MTUS2: variants seen among roughly 807,000 people sequenced by gnomAD.
MTUS2 encodes the protein microtubule-associated tumor suppressor candidate 2.
Under a neutral mutation model 114.1 loss-of-function variants are expected in MTUS2, and 40 were observed. The ratio of observed to expected loss-of-function variants is 0.35; its 90% CI spans 0.27 to 0.46. MTUS2 has a LOEUF of 0.46. MTUS2 is among the 20% of genes least tolerant of loss of function. The pLI is 1.00. For synonymous variants in MTUS2, 688 were observed against 672.0 expected (o/e 1.02, Z -0.37); for missense variants, 1,679 against 1,705.4 (o/e 0.98, Z 0.27).
intron 4 of MTUS2, among the ~76,000 whole-genome samples, chr13:29,066,291 A>G (rs988418201): frequency 1.3e-5 from 2 of 152,192 alleles, no homozygotes; most frequent in South Asian, 2.1e-4. Flanking sequence ...TTGCTTTTAC[A>G]CATTTATTAT....
At chr13:28,892,671 C>T (rs1191379173) in intron 2 of MTUS2, among the ~76,000 whole-genome samples, 1 of 152,138 alleles carries the variant, frequency 6.6e-6, no homozygotes, top group Non-Finnish European at 1.5e-5. Context: ...CTTGACACTT[C>T]TCTTTCTCTC....
chr13:28,911,656 A>C (rs1880439252), intron 2 of MTUS2, among the ~76,000 whole-genome samples: 1 of 151,996 alleles, frequency 6.6e-6, no homozygotes, highest in Non-Finnish European at 1.5e-5. Flanking sequence ...CCACAACCTC[A>C]GCAGCATCTG....
Position 29,504,094 on chromosome 13 carries a change from A to G in MTUS2, c.*888A>G, listed in dbSNP as rs1883081661. ...GCTATTGTTGCACCCTCCGGAAAAC[A>G]TGGCAGAGCATGACCTTTGAGTAAG... On this transcript the variant is annotated 3_prime_UTR_variant, in exon 16 of 16. Transcript: ENST00000612955. The G allele has an allele frequency of 4.3e-6, 1 of 231,856 alleles. No individual in the cohort carries two copies. Among genetic ancestry groups the G allele is most frequent in the Non-Finnish European group, 8.5e-6 (1 of 117,166 alleles). The allele number at this position is 231,856 out of a possible 1,614,324, so 14.4% of individuals were successfully genotyped here.
At chr13:29,450,834 G>T (rs975389358) in intron 9 of MTUS2, among the ~76,000 whole-genome samples, 4 of 152,176 alleles carry the variant, frequency 2.6e-5, no homozygotes, top group African/African-American at 9.7e-5. Context: ...CAGGAATATT[G>T]CTAGGAATGA....
chr13:29,455,213 A>G (rs1280915347), intron 9 of MTUS2, among the ~76,000 whole-genome samples: 1 of 152,202 alleles, frequency 6.6e-6, no homozygotes, highest in Non-Finnish European at 1.5e-5. Context: ...TGAGCAAAGG[A>G]GAGCCCCAGG....
At chr13:29,269,930 A>G (rs557433066) in intron 5 of MTUS2, among the ~76,000 whole-genome samples, 1 of 152,198 alleles carries the variant, frequency 6.6e-6, no homozygotes, top group Non-Finnish European at 1.5e-5. Flanking sequence ...TGAGGACATT[A>G]TCCTAAGTGA....
chr13:28,907,020 C>G (rs1436214074), intron 2 of MTUS2, among the ~76,000 whole-genome samples: 1 of 151,504 alleles, frequency 6.6e-6, no homozygotes, highest in African/African-American at 2.4e-5. Context: ...GGGTTACCCA[C>G]AAAGGGAAGC....
At chr13:28,896,108 A>G (rs912006257) in intron 2 of MTUS2, among the ~76,000 whole-genome samples, 1 of 152,224 alleles carries the variant, frequency 6.6e-6, no homozygotes, top group Non-Finnish European at 1.5e-5. Flanking sequence ...GATAATAAAT[A>G]ATACAAGATG....
chr13:28,970,607 T>A (rs1883810342), intron 2 of MTUS2, among the ~76,000 whole-genome samples: 1 of 152,202 alleles, frequency 6.6e-6, no homozygotes. Flanking sequence ...GGAAGAAAAG[T>A]AAGAAGATGA....
chr13:28,883,921 A>G (rs184214990), intron 2 of MTUS2, among the ~76,000 whole-genome samples: 2 of 152,230 alleles, frequency 1.3e-5, no homozygotes, highest in East Asian at 3.9e-4. Context: ...GGAAATTGGA[A>G]CTCACGTGCA....
intron 8 of MTUS2, among the ~76,000 whole-genome samples, chr13:29,396,925 T>C (rs1873952194): frequency 6.6e-6 from 1 of 152,192 alleles, no homozygotes; most frequent in Non-Finnish European, 1.5e-5. Flanking sequence ...ACAGTCTTTC[T>C]CTTTGCCTGT....
intron 7 of MTUS2, among the ~76,000 whole-genome samples, chr13:29,341,893 T>C (rs1297958146): frequency 6.6e-6 from 1 of 152,208 alleles, no homozygotes; most frequent in African/African-American, 2.4e-5. Context: ...TCAGCACTAT[T>C]TGTTGAATAG....
At chr13:28,852,343 C>T (rs936596548) in intron 2 of MTUS2, among the ~76,000 whole-genome samples, 4 of 152,184 alleles carry the variant, frequency 2.6e-5, no homozygotes, top group East Asian at 1.9e-4. Flanking sequence ...TCTTATTCTC[C>T]GTTATTTCCC....
At chr13:28,894,279 TGGG>T (rs1223572563) in intron 2 of MTUS2, among the ~76,000 whole-genome samples, 1 of 17,400 alleles carries the variant, frequency 5.7e-5, no homozygotes, top group Non-Finnish European at 9.2e-5. Context: ...GGAGAGTTGG[TGGG>T]GGGGGGGGAG....
intron 4 of MTUS2, among the ~76,000 whole-genome samples, chr13:29,047,781 A>G (rs999103723): frequency 6.6e-6 from 1 of 152,178 alleles, no homozygotes; most frequent in Admixed American, 6.5e-5. Context: ...AAGTGCTGGG[A>G]TTACAGGCGT....
Position 29,492,722 on chromosome 13 carries a change from TA to T in MTUS2, c.3579+4del. On this transcript the variant is annotated splice_donor_region_variant and intron_variant, in intron 12 of 15. Transcript: ENST00000612955. ...AAAAACTGCGGCTGTCATTGCAGGT[TA>T]GTATTTCTTTAATTTTCTTACCTGG... The T allele has an allele frequency of 6.2e-7, 1 of 1,609,954 alleles. No individual in the cohort carries two copies. The highest frequency in any genetic ancestry group is 8.5e-7 in the Non-Finnish European group (1 of 1,176,398).
rs372604465 is a variant in MTUS2, at chr13:29,026,101, T to C, written c.1403T>C (p.Met468Thr). 40 of 1,614,014 alleles carry C rather than the reference T, an allele frequency of 2.5e-5. 1 individual carries two copies. In the African/African-American group the frequency reaches 4.0e-4, roughly 16 times the overall value. Residue 468 changes from methionine to threonine, a missense_variant, in exon 3 of 16, where the codon ATG becomes ACG. Met to Thr is a moderately conservative substitution (Grantham distance 81). Transcript: ENST00000612955. ...GGCAGTGGGAATAAGGACAGTGTTA[T>C]GGTTTTGGTGTTCAATCCTTCTGTT... ...RLGSGNKDSV[M>T]VLVFNPSVGE...
In MTUS2 at chr13:29,505,887, A is replaced by AT. The variant is rs1883208534; in HGVS notation, c.*2681_*2682insT. ...ACAACATCCCTTTTCCTGCCCCTACAGTTTGTGTTGCATATTTGTGTTTAA... is the reference window on the plus strand; with the variant it reads ...ACAACATCCCTTTTCCTGCCCCTACATGTTTGTGTTGCATATTTGTGTTTAA... On this transcript the variant is annotated 3_prime_UTR_variant, in exon 16 of 16. Transcript: ENST00000612955. 8.9e-6 allele frequency: 2 copies of AT among 225,830 alleles called. No homozygotes were observed. Among genetic ancestry groups the AT allele is most frequent in the Non-Finnish European group, 1.8e-5 (2 of 113,574 alleles). 14.0% of individuals were successfully genotyped at this position (225,830 alleles called of 1,614,324 possible). A position where few individuals can be genotyped will look rare whatever the true frequency, so the allele number is the denominator to read the frequency against.
chr13:29,157,281 C>T (rs1042973936), intron 5 of MTUS2, among the ~76,000 whole-genome samples: 1 of 152,184 alleles, frequency 6.6e-6, no homozygotes, highest in African/African-American at 2.4e-5. Context: ...GTAGAGTTAG[C>T]AAAATGCCGT....
Sources: allele counts gnomAD v4.1 joint callset (sites outside exome capture counted in the v4.1 genomes callset), GRCh38; gene constraint gnomAD v4.1.1; transcripts MANE v1.5; gene names NCBI Gene and HGNC (gene_info 2026-07-23, HGNC 2026-07-21).